The following ERCC2 variants were observed in gnomAD, a reference collection of about 807,000 sequenced individuals.
ERCC2 encodes the protein ERCC excision repair 2, TFIIH core complex helicase subunit, also known as general transcription and DNA repair factor IIH helicase subunit XPD.
A neutral mutation model predicts 99.4 loss-of-function variants in ERCC2; 90 were observed. The ratio of observed to expected loss-of-function variants is 0.91; its 90% CI spans 0.76 to 1.08. ERCC2 has a LOEUF of 1.08. Ranked by LOEUF, ERCC2 falls within the 50% of genes least tolerant of loss-of-function variation. ERCC2 has a pLI of 0.00. For synonymous variants in ERCC2, 497 were observed against 432.4 expected (o/e 1.15, Z -1.85); for missense variants, 993 against 1,038.1 (o/e 0.96, Z 0.60).
chr19:45,364,750 G>A, intron 7 of ERCC2, 88 bp downstream of exon 7: 1 of 1,272,258 alleles, frequency 7.9e-7, no homozygotes, highest in South Asian at 1.2e-5. Flanking sequence ...CTCACAGCAA[G>A]CAACAGACAG....
chr19:45,362,356 T>C (rs1972254948), intron 11 of ERCC2, among the ~76,000 whole-genome samples: 1 of 152,170 alleles, frequency 6.6e-6, no homozygotes, highest in South Asian at 2.1e-4. Flanking sequence ...CACGCACCTA[T>C]GGGGACACAC....
intron 16 of ERCC2, 148 bp from the exon 17 acceptor site, chr19:45,354,999 AG>A: frequency 4.0e-6 from 4 of 1,001,486 alleles, no homozygotes; most frequent in Non-Finnish European, 6.2e-6. Context: ...GGCGTGTCTG[AG>A]GACCCGCCTT....
chr19:45,353,974 C>T (rs1237662704), intron 17 of ERCC2, among the ~76,000 whole-genome samples: 1 of 152,196 alleles, frequency 6.6e-6, no homozygotes, highest in Non-Finnish European at 1.5e-5. Flanking sequence ...CAAAAGGCAC[C>T]TGCGCTGTGG....
chr19:45,369,713 T>C (rs1280177921), intron 2 of ERCC2, among the ~76,000 whole-genome samples: 4 of 152,200 alleles, frequency 2.6e-5, no homozygotes, highest in Admixed American at 6.5e-5. Flanking sequence ...AGTGTCACTA[T>C]TGCCCAGGCT....
chr19:45,364,998 G>A, intron 6 of ERCC2, 44 bp from the exon 7 acceptor site: 1 of 1,608,798 alleles, frequency 6.2e-7, no homozygotes, highest in Non-Finnish European at 8.5e-7. Context: ...CCTGCCCCAG[G>A]CTACCTGTCC....
chr19:45,359,319 G>A (rs533897635), intron 12 of ERCC2, among the ~76,000 whole-genome samples: 1 of 152,300 alleles, frequency 6.6e-6, no homozygotes, highest in East Asian at 1.9e-4. Context: ...GATGGAAGAT[G>A]GGGCAGGACA....
chr19:45,359,452 G>A (rs1027047445), intron 12 of ERCC2, among the ~76,000 whole-genome samples: 9 of 152,282 alleles, frequency 5.9e-5, no homozygotes, highest in African/African-American at 2.2e-4. Context: ...GGTTTCCTGG[G>A]TACAGGAGAA....
intron 12 of ERCC2, chr19:45,358,695 G>GC (rs1972100785): frequency 6.0e-6 from 4 of 666,416 alleles, no homozygotes; most frequent in Non-Finnish European, 8.2e-6. Context: ...TCAAAAGTCA[G>GC]CCCCTCCGAG....
At chr19:45,364,595 C>G (rs1568542734) in intron 7 of ERCC2, 48 bp from the exon 8 acceptor site, 1 of 1,605,832 alleles carries the variant, frequency 6.2e-7, no homozygotes, top group African/African-American at 1.3e-5. Flanking sequence ...ACCCCAACCC[C>G]TACCCCTACC....
rs377009283 is a variant in ERCC2, at chr19:45,354,841, C to T, written c.1554G>A (p.Arg518=). ...TCTCCAGCAGGAGGTTCCCATAGTT[C>T]CGGATCACAGCTGCAAGGGGTCAGA... is the stretch of plus-strand genomic sequence containing the variant. ...FETREDIAVI[R]NYGNLLLEMS... is the part of the protein sequence containing the mutation. The change falls in exon 17 of 23, where the codon CGG becomes CGA. Residue 518 remains arginine, a synonymous_variant. Coordinates refer to ENST00000391945, the MANE Select transcript of ERCC2 (RefSeq NM_000400.4). 6.2e-7 allele frequency: 1 copy of T among 1,613,942 alleles called. No individual in the cohort carries two copies. The highest frequency in any genetic ancestry group is 8.5e-7 in the Non-Finnish European group (1 of 1,179,966).
chr19:45,358,559 T>TC, intron 12 of ERCC2: 1 of 429,374 alleles, frequency 2.3e-6, no homozygotes. Context: ...CCCACATGCC[T>TC]CCAGTGGCCT....
rs976557090 is a variant in ERCC2, at chr19:45,351,050, G to C, written c.*579C>G. On this transcript the variant is annotated 3_prime_UTR_variant, in exon 23 of 23. Transcript: ENST00000391945. ...GGACATCTGGGTCAAAAATAGAGGA[G>C]GCCATGTGGGTAGGTGCAGAGATGA... is the stretch of plus-strand genomic sequence containing the variant. 1 of 1,613,870 alleles carries C rather than the reference G, an allele frequency of 6.2e-7. No homozygotes were observed. The highest frequency in any genetic ancestry group is 1.7e-5 in the Admixed American group (1 of 59,996).
Position 45,351,141 on chromosome 19 carries a change from C to G in ERCC2, c.*488G>C. Reference sequence around the variant, plus strand: ...GTGGTGGGTTGGTGTCAGAAGAGACCCAGGACAGGAGCAAAGATGGGTTTT... The same window carrying G: ...GTGGTGGGTTGGTGTCAGAAGAGACGCAGGACAGGAGCAAAGATGGGTTTT... On this transcript the variant is annotated 3_prime_UTR_variant, in exon 23 of 23. Transcript: ENST00000391945. 1.3e-6 allele frequency: 2 copies of G among 1,598,262 alleles called. No homozygotes were observed. The highest frequency in any genetic ancestry group is 2.2e-5 in the South Asian group (2 of 89,076).
Position 45,363,882 on chromosome 19 carries a change from C to T in ERCC2, c.979G>A (p.Glu327Lys), listed in dbSNP as rs868438447. 2.6e-6 allele frequency: 4 copies of T among 1,550,200 alleles called. No individual in the cohort carries two copies. The highest frequency in any genetic ancestry group is 3.5e-6 in the Non-Finnish European group (4 of 1,154,784). ...EAVPGSIRTA[E>K]HFLGFLRRLL... ...CGCCTCAGGAAGCCCAGGAAATGCT[C>T]GGCCGTGCGGATGGAGCCAGGCACT... Residue 327 changes from glutamate to lysine, a missense_variant, in exon 11 of 23, where the codon GAG (glutamate) becomes AAG (lysine). Transcript: ENST00000391945.
chr19:45,369,983 C>T (rs1055787678), intron 2 of ERCC2, 150 bp downstream of exon 2: 11 of 696,394 alleles, frequency 1.6e-5, no homozygotes, highest in Non-Finnish European at 2.6e-5. Context: ...GCCTATTCAC[C>T]ATTATTGTTT....
rs1349542172 is a variant in ERCC2 at position 45,368,630 on chromosome 19, C to G, written c.360G>C (p.Glu120Asp). Reference sequence around the variant, plus strand: ...GCAAGGAGAAGGAACAGGTGCTCACCTCAGGGTGAATACACAAGTTTTTGC... The same window carrying G: ...GCAAGGAGAAGGAACAGGTGCTCACGTCAGGGTGAATACACAAGTTTTTGC... ...SSRKNLCIHP[E>D]VTPLRFGKDV... The change falls in exon 5 of 23, where the codon GAG becomes GAC. Residue 120 changes from glutamate to aspartate, a missense_variant and splice_region_variant. Physicochemically the swap from Glu to Asp is conservative, Grantham distance 45. Around this residue, in one of 3 missense-constraint regions of ERCC2, gnomAD observed 909 missense variants for 930.8 expected, o/e 0.98. Coordinates refer to ENST00000391945, the MANE Select transcript of ERCC2 (RefSeq NM_000400.4). 1.2e-6 allele frequency: 2 copies of G among 1,603,642 alleles called. No individual in the cohort carries two copies. Among genetic ancestry groups the G allele is most frequent in the Non-Finnish European group, 1.7e-6 (2 of 1,170,434 alleles).
Position 45,365,044 on chromosome 19 carries a change from CAT to C in ERCC2, c.473_474del (p.Tyr158Ter), listed in dbSNP as rs1303273704. 1 of 1,613,694 alleles carries C rather than the reference CAT, an allele frequency of 6.2e-7. No individual in the cohort carries two copies. Among genetic ancestry groups the C allele is most frequent in the Non-Finnish European group, 8.5e-7 (1 of 1,179,604 alleles). On this transcript the variant is annotated frameshift_variant, in exon 6 of 23. Transcript: ENST00000391945. LOFTEE classifies it high-confidence loss of function. ...CCTCAGCCCTGCCCTCCAGTAACCT[CAT>C]AGAATCGGCAGTGGGGCAGGCTGGT... ...HDTSLPHCRF[Y>X]EEFDAHGREV...
chr19:45,361,778 T>A, intron 11 of ERCC2, 136 bp from the exon 12 acceptor site: 1 of 732,758 alleles, frequency 1.4e-6, no homozygotes, highest in Non-Finnish European at 2.5e-6. Context: ...GCACTGGGCC[T>A]GTTTTGGAAA....
In ERCC2 at chr19:45,357,457, C is replaced by T. The variant is rs370333958; in HGVS notation, c.1377+17G>A. 3.5e-5 allele frequency: 57 copies of T among 1,613,166 alleles called. No individual in the cohort carries two copies. Among genetic ancestry groups the T allele is most frequent in the East Asian group, 1.8e-4 (8 of 44,870 alleles). On this transcript the variant is annotated intron_variant, in intron 14 of 22. Coordinates refer to ENST00000391945, the MANE Select transcript of ERCC2 (RefSeq NM_000400.4). ...AGGGAGGTCAGGGACTAGGAGGGGA[C>T]GGGGAAGGGTCCTTACCCCAGATGT...
Sources: gnomAD v4.1 joint callset for allele counts (sites outside exome capture counted in the v4.1 genomes callset) on GRCh38, gnomAD v4.1.1 for gene constraint, gnomAD v4.1.1 regional missense constraint, MANE v1.5 for transcripts, NCBI Gene and HGNC (gene_info 2026-07-23, HGNC 2026-07-21) for gene names.